LVRN: variants seen among roughly 807,000 people sequenced by gnomAD.
The protein encoded by LVRN is laeverin, also known as aminopeptidase Q.
Under a neutral mutation model 111.4 loss-of-function variants are expected in LVRN, and 99 were observed. The ratio of observed to expected loss-of-function variants is 0.89; its 90% CI spans 0.76 to 1.05. The LOEUF (loss-of-function observed/expected upper bound fraction) is 1.05, where lower values mean the gene tolerates loss of function less well. LVRN is among the 50% of genes least tolerant of loss of function. The pLI is 0.00. For missense variants in LVRN, 1,414 were observed against 1,206.8 expected (o/e 1.17, Z -2.54); for synonymous variants, 488 against 449.5 (o/e 1.09, Z -1.08).
chr5:115,962,607 C>G lies in LVRN; in HGVS notation c.-11C>G. 1 of 1,587,414 alleles carries G rather than the reference C, an allele frequency of 6.3e-7. No homozygotes were observed. The highest frequency in any genetic ancestry group is 8.6e-7 in the Non-Finnish European group (1 of 1,169,212). ...TGAGCTCCAGCCTCGCGCCTGAACC[C>G]GGTCCCTGCCATGGGGCCCCCTTCC... On this transcript the variant is annotated 5_prime_UTR_variant, in exon 1 of 20. Transcript: ENST00000357872.
rs748670185 is a variant in LVRN at position 116,015,334 on chromosome 5, A to G, written c.2533A>G (p.Thr845Ala). 9 of 1,612,620 alleles carry G rather than the reference A, an allele frequency of 5.6e-6. 1 individual carries two copies. In the South Asian group the frequency reaches 7.7e-5, roughly 14 times the overall value. Residue 845 changes from threonine to alanine, a missense_variant, in exon 17 of 20, where the codon ACT (threonine) becomes GCT (alanine). Coordinates refer to ENST00000357872, the MANE Select transcript of LVRN (RefSeq NM_173800.5). ...SDKEWDILLN[T>A]YTNTTNKEEK... ...TAAAGAGTGGGACATCTTGTTAAAT[A>G]CTTACACTAATACAACAAACAAAGA...
intron 3 of LVRN, 98 bp downstream of exon 3, chr5:115,984,807 A>T: frequency 6.7e-7 from 1 of 1,484,154 alleles, no homozygotes; most frequent in South Asian, 1.3e-5. Context: ...CATATCCCCA[A>T]ATCGCTTCCT....
chr5:116,006,208 A>G (rs1748371404), intron 13 of LVRN, among the ~76,000 whole-genome samples: 1 of 152,202 alleles, frequency 6.6e-6, no homozygotes, highest in Non-Finnish European at 1.5e-5. Context: ...TATAATTTTA[A>G]TGCAATCTTG....
intron 10 of LVRN, among the ~76,000 whole-genome samples, chr5:116,002,483 G>C (rs575265715): frequency 6.6e-6 from 1 of 152,206 alleles, no homozygotes; most frequent in Non-Finnish European, 1.5e-5. Flanking sequence ...GGGCATGGAC[G>C]GATTTAGGTC....
At chr5:115,997,196 G>A (rs1217370388) in intron 6 of LVRN, among the ~76,000 whole-genome samples, 2 of 151,998 alleles carry the variant, frequency 1.3e-5, no homozygotes, top group African/African-American at 4.8e-5. Flanking sequence ...ATTTTCGGAC[G>A]GCAACTGAGT....
intron 18 of LVRN, among the ~76,000 whole-genome samples, chr5:116,021,988 G>A (rs190978861): frequency 5.3e-5 from 8 of 152,174 alleles, no homozygotes; most frequent in African/African-American, 7.2e-5. Context: ...TTAAATACAC[G>A]TTCAGGGGGC....
intron 3 of LVRN, among the ~76,000 whole-genome samples, chr5:115,984,912 G>A (rs1039437552): frequency 3.3e-5 from 5 of 152,160 alleles, no homozygotes; most frequent in African/African-American, 4.8e-5. Context: ...AGGTTTTCAC[G>A]GAAAGAGTCC....
intron 4 of LVRN, among the ~76,000 whole-genome samples, chr5:115,989,243 G>A (rs1461876510): frequency 6.6e-6 from 1 of 152,118 alleles, no homozygotes; most frequent in Non-Finnish European, 1.5e-5. Flanking sequence ...TCTTTATAAA[G>A]GTGCTTCTCT....
rs7700276 is a variant in LVRN, at chr5:116,014,683, G to A, written c.2450+156G>A. 9.2e-3 allele frequency among the ~76,000 whole-genome samples: 1,401 copies of A among 152,258 alleles called. 25 individuals carry two copies. Among genetic ancestry groups the A allele is most frequent in the African/African-American group, 0.032 (1,321 of 41,552 alleles). ...TTCAAATACCTTTTTTAAAAAACCA[G>A]TGTTTAATGTGGGTCTGTGTATAAC... On this transcript the variant is annotated intron_variant, in intron 16 of 19. Transcript: ENST00000357872.
At position 116,010,808 on chromosome 5, in the gene LVRN, A is replaced by G. The variant is rs755376576; in HGVS notation, c.2161A>G (p.Ile721Val). The G allele has an allele frequency of 9.3e-6, 15 of 1,612,642 alleles. No homozygotes were observed. Among genetic ancestry groups the G allele is most frequent in the Non-Finnish European group, 1.2e-5 (14 of 1,179,210 alleles). ...TKYLAEEDEI[I>V]VWHTVLVNLV... ...GTACCTTGCTGAAGAAGATGAAATT[A>G]TAGTATGGCATACAGTCTTGGTAAA... Residue 721 changes from isoleucine (I) to valine (V), a missense_variant, in exon 14 of 20, where the codon ATA (isoleucine) becomes GTA (valine). By Grantham distance (29) the Ile-to-Val change is conservative (BLOSUM62 3). Coordinates refer to ENST00000357872, the MANE Select transcript of LVRN (RefSeq NM_173800.5).
chr5:115,986,571 G>C (rs1747869999), intron 3 of LVRN, among the ~76,000 whole-genome samples: 1 of 152,162 alleles, frequency 6.6e-6, no homozygotes. Flanking sequence ...GTGAACATTT[G>C]GCTACAGCTC....
At chr5:115,993,683 GA>G (rs1278634635) in intron 5 of LVRN, 57 bp from the exon 6 acceptor site, 3 of 1,133,024 alleles carry the variant, frequency 2.6e-6, no homozygotes, top group Non-Finnish European at 3.9e-6. Context: ...CAATTACAAC[GA>G]ATATAACTTA....
intron 1 of LVRN, among the ~76,000 whole-genome samples, chr5:115,979,264 C>G (rs1268206676): frequency 6.6e-6 from 1 of 152,148 alleles, no homozygotes; most frequent in Non-Finnish European, 1.5e-5. Context: ...GGAGTTAGAC[C>G]TTGGCCATAC....
chr5:115,995,886 T>C (rs1748096510), intron 6 of LVRN, among the ~76,000 whole-genome samples: 1 of 152,222 alleles, frequency 6.6e-6, no homozygotes, highest in African/African-American at 2.4e-5. Context: ...AGCCCATGCT[T>C]TTAACCACTG....
chr5:116,018,721 C>G (rs1748652980), intron 18 of LVRN, among the ~76,000 whole-genome samples: 1 of 152,146 alleles, frequency 6.6e-6, no homozygotes, highest in East Asian at 1.9e-4. Context: ...TTTGAGATGC[C>G]AAGATTTGTT....
At chr5:116,014,573 A>C in intron 16 of LVRN, 46 bp downstream of exon 16, 1 of 1,496,504 alleles carries the variant, frequency 6.7e-7, no homozygotes, top group Non-Finnish European at 9.3e-7. Context: ...CTATTTTAGC[A>C]CCAGCAATTT....
At chr5:115,992,004 A>C (rs1748002439) in intron 4 of LVRN, 119 bp from the exon 5 acceptor site, 2 of 916,190 alleles carry the variant, frequency 2.2e-6, no homozygotes, top group Non-Finnish European at 3.2e-6. Flanking sequence ...CTCTCCGTTC[A>C]GGTTATAAAT....
chr5:115,971,067 G>C (rs1330709315), intron 1 of LVRN, among the ~76,000 whole-genome samples: 1 of 152,148 alleles, frequency 6.6e-6, no homozygotes, highest in East Asian at 1.9e-4. Context: ...TAGGTGTATA[G>C]TGTTCTTCAT....
At position 115,963,216 on chromosome 5, in the gene LVRN, G is replaced by A. The variant is rs934556652; in HGVS notation, c.599G>A (p.Ser200Asn). The change falls in exon 1 of 20, where the codon AGC (serine) becomes AAC (asparagine). Residue 200 changes from serine to asparagine, a missense_variant. By Grantham distance (46) the Ser-to-Asn change is conservative. Transcript: ENST00000357872. ...CTCAGTGAGCCCCTGAAACCTGGTA[G>A]CAGCTACGAGCTGCAGCTTAGCTTC... The part of the protein sequence containing the change: ...LELSEPLKPG[S>N]SYELQLSFSG... The A allele has an allele frequency of 6.2e-7, 1 of 1,612,860 alleles. No homozygotes were observed. Among genetic ancestry groups the A allele is most frequent in the Non-Finnish European group, 8.5e-7 (1 of 1,179,870 alleles).
Sources: allele counts gnomAD v4.1 joint callset (sites outside exome capture counted in the v4.1 genomes callset), GRCh38; gene constraint gnomAD v4.1.1; transcripts MANE v1.5; gene names NCBI Gene and HGNC (gene_info 2026-07-23, HGNC 2026-07-21).